The following SEZ6L variants were observed in gnomAD, a reference collection of about 807,000 sequenced individuals.
SEZ6L encodes seizure 6-like protein.
A neutral mutation model predicts 106.2 loss-of-function variants in SEZ6L; 37 were observed. The ratio of observed to expected loss-of-function variants is 0.35; its 90% CI spans 0.27 to 0.46. The LOEUF (loss-of-function observed/expected upper bound fraction) is 0.46, where lower values mean the gene tolerates loss of function less well. Ranked by LOEUF, SEZ6L falls within the 20% of genes least tolerant of loss-of-function variation. SEZ6L has a pLI of 1.00. For missense variants in SEZ6L, 1,172 were observed against 1,332.8 expected (o/e 0.88, Z 1.88); for synonymous variants, 541 against 570.4 (o/e 0.95, Z 0.73).
intron 1 of SEZ6L, among the ~76,000 whole-genome samples, chr22:26,284,615 A>AC (rs1354085488): frequency 1.8e-5 from 2 of 108,768 alleles, no homozygotes; most frequent in Non-Finnish European, 4.5e-5. Flanking sequence ...AAAAAAAAAA[A>AC]AAAAAAAAAA....
intron 1 of SEZ6L, 150 bp from the exon 2 acceptor site, chr22:26,292,256 A>C: frequency 3.4e-6 from 2 of 596,070 alleles, no homozygotes. Flanking sequence ...AAAAGAAAGG[A>C]AGGGAGGGAG....
intron 1 of SEZ6L, among the ~76,000 whole-genome samples, chr22:26,204,778 T>C (rs1941192402): frequency 6.6e-6 from 1 of 152,228 alleles, no homozygotes; most frequent in African/African-American, 2.4e-5. Flanking sequence ...TTGGAGCTCA[T>C]CACATTTGCC....
intron 1 of SEZ6L, among the ~76,000 whole-genome samples, chr22:26,170,228 C>T (rs908013645): frequency 2.6e-5 from 4 of 152,016 alleles, no homozygotes; most frequent in Non-Finnish European, 4.4e-5. Flanking sequence ...GCCGCTCCCC[C>T]CGACACCACA....
intron 1 of SEZ6L, among the ~76,000 whole-genome samples, chr22:26,220,251 C>T (rs530181480): frequency 2.8e-4 from 43 of 152,300 alleles, no homozygotes; most frequent in African/African-American, 8.9e-4. Flanking sequence ...TACTGATCTC[C>T]GGCCTTGTAC....
Position 26,169,490 on chromosome 22 carries a change from G to T in SEZ6L, c.-180G>T. The T allele has an allele frequency of 2.9e-6, 1 of 344,268 alleles. No individual in the cohort carries two copies. Among genetic ancestry groups the T allele is most frequent in the Non-Finnish European group, 5.2e-6 (1 of 191,876 alleles). 21.3% of individuals were successfully genotyped at this position (344,268 alleles called of 1,614,324 possible). A position where few individuals can be genotyped will look rare whatever the true frequency, so the allele number is the denominator to read the frequency against. On this transcript the variant is annotated 5_prime_UTR_variant, in exon 1 of 17. Transcript: ENST00000248933. ...CGCCCGCCCGCGCCCGGCGCAGCTC[G>T]GCCAGAGCGACCGCGGGGCTGAGCG... is the stretch of plus-strand genomic sequence containing the variant.
chr22:26,321,718 C>T (rs921427278), intron 9 of SEZ6L, among the ~76,000 whole-genome samples: 2 of 152,182 alleles, frequency 1.3e-5, no homozygotes, highest in African/African-American at 2.4e-5. Flanking sequence ...TAATTCCATC[C>T]TCCGGGCCCC....
rs145187057 is a variant in SEZ6L at position 26,348,240 on chromosome 22, A to G, written c.2407+327A>G. On this transcript the variant is annotated intron_variant, in intron 11 of 16. Coordinates refer to ENST00000248933, the MANE Select transcript of SEZ6L (RefSeq NM_021115.5). ...GCTGGGTGTAGTGGCTCATGCCTGT[A>G]ATCCTAGTGCTTTGGGAGGCTGAGG... 5.6e-3 allele frequency among the ~76,000 whole-genome samples: 853 copies of G among 152,104 alleles called. 7 individuals are homozygous for G. The highest frequency in any genetic ancestry group is 0.019 in the African/African-American group (781 of 41,468).
At chr22:26,267,403 G>A (rs2080224234) in intron 1 of SEZ6L, among the ~76,000 whole-genome samples, 1 of 152,214 alleles carries the variant, frequency 6.6e-6, no homozygotes. Context: ...AGGACATGAG[G>A]CTGGTAATAT....
intron 1 of SEZ6L, among the ~76,000 whole-genome samples, chr22:26,218,384 G>A (rs1223744727): frequency 6.6e-6 from 1 of 152,126 alleles, no homozygotes; most frequent in Non-Finnish European, 1.5e-5. Flanking sequence ...TTAGGTACTT[G>A]TCCTAATGCT....
At chr22:26,320,332 G>A (rs2082119531) in intron 9 of SEZ6L, among the ~76,000 whole-genome samples, 1 of 152,174 alleles carries the variant, frequency 6.6e-6, no homozygotes, top group African/African-American at 2.4e-5. Flanking sequence ...AAGTGATGAC[G>A]GAACCACAGA....
chr22:26,314,681 C>T (rs561688548), intron 9 of SEZ6L, among the ~76,000 whole-genome samples: 255 of 152,362 alleles, frequency 1.7e-3, no homozygotes, highest in Middle Eastern at 6.8e-3. Context: ...TTAGATTCTC[C>T]ATCCAGAATG....
Position 26,348,612 on chromosome 22 carries a change from A to AAGAAAG in SEZ6L, c.2407+700_2407+701insGAAAGA, listed in dbSNP as rs1247149879. ...AGAAAGAAAGAAAGAAAGAAAGAGA[A>AAGAAAG]AAAGAAAGAAAGAAAGAAAGAAAGA... On this transcript the variant is annotated intron_variant, in intron 11 of 16. Coordinates refer to ENST00000248933, the MANE Select transcript of SEZ6L (RefSeq NM_021115.5). Among the ~76,000 whole-genome samples the AAGAAAG allele has an allele frequency of 1.4e-4, 3 of 21,782 alleles. 1 individual carries two copies. Among genetic ancestry groups the AAGAAAG allele is most frequent in the African/African-American group, 1.3e-3 (3 of 2,276 alleles). The allele number at this position is 21,782 out of a possible 152,430, so 14.3% of individuals were successfully genotyped here.
intron 1 of SEZ6L, among the ~76,000 whole-genome samples, chr22:26,263,069 C>A (rs2080068454): frequency 1.3e-5 from 2 of 152,204 alleles, no homozygotes; most frequent in African/African-American, 4.8e-5. Flanking sequence ...CCCTAAATTC[C>A]TATGGAAAGG....
chr22:26,300,303 C>A (rs976242191), intron 5 of SEZ6L, among the ~76,000 whole-genome samples: 3 of 152,122 alleles, frequency 2.0e-5, no homozygotes, highest in Admixed American at 6.5e-5. Context: ...ATCCCTCCCC[C>A]CTCTCCCCAC....
intron 1 of SEZ6L, among the ~76,000 whole-genome samples, chr22:26,287,649 C>G (rs116738847): frequency 0.024 from 3,606 of 152,178 alleles, 150 homozygotes; most frequent in African/African-American, 0.083. Flanking sequence ...TCTGATTGCT[C>G]CAGTTTCCTG....
chr22:26,284,604 C>CAAAAAAAAAAA (rs137198), intron 1 of SEZ6L, among the ~76,000 whole-genome samples: 6 of 64,034 alleles, frequency 9.4e-5, no homozygotes, highest in East Asian at 2.2e-3. Flanking sequence ...ATCAGGACTC[C>CAAAAAAAAAAA]AAAAAAAAAA....
chr22:26,171,472 C>T (rs1169325734), intron 1 of SEZ6L, among the ~76,000 whole-genome samples: 1 of 152,006 alleles, frequency 6.6e-6, no homozygotes, highest in Non-Finnish European at 1.5e-5. Context: ...AGTTCTACCT[C>T]TGAGAACTCC....
intron 13 of SEZ6L, among the ~76,000 whole-genome samples, chr22:26,371,205 C>CA (rs1287864602): frequency 6.6e-6 from 1 of 151,658 alleles, no homozygotes; most frequent in East Asian, 1.9e-4. Flanking sequence ...TTTGTTTTGC[C>CA]AAAAAAAATC....
chr22:26,174,327 T>C (rs1601948642), intron 1 of SEZ6L, among the ~76,000 whole-genome samples: 1 of 152,068 alleles, frequency 6.6e-6, no homozygotes, highest in East Asian at 1.9e-4. Flanking sequence ...AAGGCTTCAC[T>C]CTCAGAACAC....
Sources: gnomAD v4.1 joint callset for allele counts (sites outside exome capture counted in the v4.1 genomes callset) on GRCh38, gnomAD v4.1.1 for gene constraint, MANE v1.5 for transcripts, NCBI Gene and HGNC (gene_info 2026-07-23, HGNC 2026-07-21) for gene names.